The following STS variants were observed in gnomAD, a reference collection of about 807,000 sequenced individuals.
STS encodes the protein steryl-sulfatase.
Under a neutral mutation model 26.8 loss-of-function variants are expected in STS, and 7 were observed. The observed-to-expected ratio is 0.26, with a 90% CI of 0.15 to 0.49. The LOEUF (loss-of-function observed/expected upper bound fraction) is 0.49, where lower values mean the gene tolerates loss of function less well. Ranked by LOEUF, STS falls within the 20% of genes least tolerant of loss-of-function variation. STS has a pLI of 0.98. For synonymous variants in STS, 199 were observed against 189.4 expected (o/e 1.05, Z -0.42); for missense variants, 434 against 465.6 (o/e 0.93, Z 0.63).
intron 1 of STS, among the ~76,000 whole-genome samples, chrX:7,152,258 A>G: frequency 8.9e-6 from 1 of 112,072 alleles, no homozygotes; most frequent in Non-Finnish European, 1.9e-5. Context: ...GGCCAGGATT[A>G]TTATTTTAAT....
At chrX:7,148,902 TTTTC>T (rs1271536045) in intron 1 of STS, among the ~76,000 whole-genome samples, 6 of 110,301 alleles carry the variant, frequency 5.4e-5, no homozygotes, top group Admixed American at 9.7e-5. Flanking sequence ...CTGCTCTGAG[TTTTC>T]TTTCTTTTTT....
chrX:7,251,883 C>A, intron 2 of STS, among the ~76,000 whole-genome samples: 1 of 110,954 alleles, frequency 9.0e-6, no homozygotes, highest in Non-Finnish European at 1.9e-5. Flanking sequence ...ATCGCTTGAG[C>A]CCAGGAGTTG....
At chrX:7,277,262 GT>G (rs752708906) in intron 7 of STS, among the ~76,000 whole-genome samples, 1 of 111,873 alleles carries the variant, frequency 8.9e-6, no homozygotes, top group South Asian at 3.8e-4. Flanking sequence ...TCATATATTT[GT>G]TTCCTTTTAC....
intron 6 of STS, among the ~76,000 whole-genome samples, chrX:7,274,022 A>C (rs1369011071): frequency 8.1e-5 from 9 of 110,671 alleles, no homozygotes; most frequent in Non-Finnish European, 1.5e-4. Flanking sequence ...GAGAGGGGGA[A>C]GTAAGTTTTA....
intron 10 of STS, among the ~76,000 whole-genome samples, chrX:7,347,758 G>A (rs756747976): frequency 5.4e-5 from 6 of 111,842 alleles, no homozygotes; most frequent in South Asian, 3.8e-4. Flanking sequence ...TTCCTGGCTC[G>A]CTTCTCTGTG....
At chrX:7,169,742 G>A (rs1418974649) in intron 1 of STS, among the ~76,000 whole-genome samples, 2 of 112,067 alleles carry the variant, frequency 1.8e-5, no homozygotes, top group Admixed American at 1.9e-4. Context: ...TTTGGCTTAG[G>A]AAGGTGCACT....
chrX:7,193,643 G>A (rs1366890408), intron 2 of STS, among the ~76,000 whole-genome samples: 1 of 111,266 alleles, frequency 9.0e-6, no homozygotes, highest in African/African-American at 3.3e-5. Context: ...TAAAGTGGGA[G>A]TGTTGCAGTG....
chrX:7,223,564 G>A (rs1921668346), intron 2 of STS, among the ~76,000 whole-genome samples: 1 of 110,900 alleles, frequency 9.0e-6, no homozygotes, highest in African/African-American at 3.3e-5. Flanking sequence ...GAAAATGTCT[G>A]TTTGTGTCAT....
chrX:7,349,863 C>T (rs770823342), intron 10 of STS, 25 bp from the exon 11 acceptor site: 11 of 1,211,213 alleles, frequency 9.1e-6, no homozygotes, highest in Middle Eastern at 2.3e-4. Flanking sequence ...ATACCTAATG[C>T]CGTTTCCATC....
chrX:7,148,863 G>C (rs1412131117), intron 1 of STS, among the ~76,000 whole-genome samples: 1 of 112,087 alleles, frequency 8.9e-6, no homozygotes, highest in Non-Finnish European at 1.9e-5. Flanking sequence ...TGCTGGTTGT[G>C]CCTTCTTAGG....
intron 10 of STS, among the ~76,000 whole-genome samples, chrX:7,334,327 T>C (rs1927909905): frequency 9.0e-6 from 1 of 111,096 alleles, no homozygotes; most frequent in African/African-American, 3.3e-5. Flanking sequence ...GGCCATGTCA[T>C]TCACCCACCT....
intron 1 of STS, among the ~76,000 whole-genome samples, chrX:7,182,187 C>T (rs1262542660): frequency 8.9e-6 from 1 of 111,907 alleles, no homozygotes; most frequent in Non-Finnish European, 1.9e-5. Context: ...AATCATAGAG[C>T]AGGCACTTAC....
At chrX:7,161,672 C>G (rs1208230968) in intron 1 of STS, among the ~76,000 whole-genome samples, 1 of 112,107 alleles carries the variant, frequency 8.9e-6, no homozygotes, top group Non-Finnish European at 1.9e-5. Context: ...ATTTCATGTA[C>G]ACATCAGTTT....
chrX:7,233,358 A>T (rs760452938), intron 2 of STS, among the ~76,000 whole-genome samples: 140 of 111,221 alleles, frequency 1.3e-3, no homozygotes, highest in Non-Finnish European at 2.3e-3. Flanking sequence ...CCTCACAAAG[A>T]TATTTCTTAC....
chrX:7,326,059 C>A (rs1400921554), intron 9 of STS, among the ~76,000 whole-genome samples: 4 of 111,338 alleles, frequency 3.6e-5, no homozygotes, highest in Non-Finnish European at 7.5e-5. Context: ...GTTCTTACGA[C>A]CTGCATTGGG....
intron 7 of STS, among the ~76,000 whole-genome samples, chrX:7,295,265 A>G (rs1333675004): frequency 9.0e-6 from 1 of 111,652 alleles, no homozygotes; most frequent in Non-Finnish European, 1.9e-5. Flanking sequence ...ATTATAGCTC[A>G]GTCAAAAAAA....
chrX:7,339,430 C>T (rs183592375), intron 10 of STS, among the ~76,000 whole-genome samples: 9 of 112,574 alleles, frequency 8.0e-5, no homozygotes, highest in Admixed American at 7.5e-4. Flanking sequence ...TATATGTAAA[C>T]CATTTCAAGG....
intron 7 of STS, among the ~76,000 whole-genome samples, chrX:7,301,086 A>G (rs1278406631): frequency 9.0e-6 from 1 of 111,174 alleles, no homozygotes; most frequent in Non-Finnish European, 1.9e-5. Context: ...TGTTGAATGA[A>G]TGCATGAGGA....
In STS at chrX:7,259,252, T is replaced by G. The variant is rs1389242169; in HGVS notation, c.383-97T>G. ...CGGGAAGGCTAGCTTCATGAAATAG[T>G]CAGAAAGAACCTCCTTTTCAGCATG... On this transcript the variant is annotated intron_variant, in intron 5 of 10. Transcript: ENST00000674429. The G allele has an allele frequency of 8.7e-6, 8 of 921,707 alleles. No homozygotes were observed. In the Admixed American group the frequency reaches 1.8e-4, roughly 21 times the overall value. 76.0% of individuals were successfully genotyped at this position (921,707 alleles called of 1,213,427 possible). A position where few individuals can be genotyped will look rare whatever the true frequency, so the allele number is the denominator to read the frequency against.
Sources: allele counts gnomAD v4.1 joint callset (sites outside exome capture counted in the v4.1 genomes callset), GRCh38; gene constraint gnomAD v4.1.1; transcripts MANE v1.5; gene names NCBI Gene and HGNC (gene_info 2026-07-23, HGNC 2026-07-21).